The following TRPM3 variants were observed in gnomAD, a reference collection of about 807,000 sequenced individuals.
TRPM3 encodes long transient receptor potential channel 3.
A neutral mutation model predicts 181.2 loss-of-function variants in TRPM3; 77 were observed. The observed-to-expected ratio is 0.42, with a 90% CI of 0.35 to 0.51. TRPM3 has a LOEUF of 0.51. Ranked by LOEUF, TRPM3 falls within the 20% of genes least tolerant of loss-of-function variation. TRPM3 has a pLI of 0.01. For synonymous variants in TRPM3, 745 were observed against 796.4 expected (o/e 0.94, Z 1.09); for missense variants, 1,759 against 2,196.7 (o/e 0.80, Z 3.98).
intron 1 of TRPM3, among the ~76,000 whole-genome samples, chr9:71,204,375 AAAC>A (rs2078995455): frequency 6.6e-6 from 1 of 152,310 alleles, no homozygotes; most frequent in Admixed American, 6.5e-5. Context: ...AGAAAAAAAC[AAAC>A]AACCCCATGA....
At chr9:71,095,337 C>T (rs1027695419) in intron 1 of TRPM3, among the ~76,000 whole-genome samples, 32 of 152,040 alleles carry the variant, frequency 2.1e-4, no homozygotes, top group Non-Finnish European at 4.6e-4. Flanking sequence ...TCTTTTTCTT[C>T]TCTCATGAAA....
chr9:71,173,185 T>C (rs1420349911), intron 1 of TRPM3, among the ~76,000 whole-genome samples: 1 of 152,140 alleles, frequency 6.6e-6, no homozygotes, highest in African/African-American at 2.4e-5. Context: ...GCCTTGACTA[T>C]CCCATGCCAT....
chr9:70,824,643 G>T (rs1053399456), intron 6 of TRPM3: 1 of 152,186 alleles, frequency 6.6e-6, no homozygotes, highest in Non-Finnish European at 1.5e-5. Flanking sequence ...GGCCAGGCTG[G>T]TCTCGAACTC....
At chr9:70,915,583 G>T (rs2096585993) in intron 1 of TRPM3, among the ~76,000 whole-genome samples, 1 of 151,820 alleles carries the variant, frequency 6.6e-6, no homozygotes, top group Non-Finnish European at 1.5e-5. Context: ...GGGATTACAG[G>T]CATGAGCCAC....
At chr9:71,257,663 T>C (rs1009053) in intron 1 of TRPM3, among the ~76,000 whole-genome samples, 34,612 of 152,124 alleles carry the variant, frequency 0.23, 4,430 homozygotes, top group African/African-American at 0.32. Flanking sequence ...AAATTGTGTA[T>C]GTATAGCCCT....
At chr9:71,367,203 G>T (rs7849369) in intron 1 of TRPM3, among the ~76,000 whole-genome samples, 71,646 of 151,968 alleles carry the variant, frequency 0.47, 17,062 homozygotes, top group African/African-American at 0.52. Flanking sequence ...ATTTTGAAAA[G>T]AATGTATATG....
chr9:71,302,098 T>C (rs935923228), intron 1 of TRPM3, among the ~76,000 whole-genome samples: 8 of 152,130 alleles, frequency 5.3e-5, no homozygotes, highest in African/African-American at 1.7e-4. Context: ...TCATGTATAA[T>C]TTAGTGTCGC....
At chr9:71,156,788 T>C (rs190611975) in intron 1 of TRPM3, among the ~76,000 whole-genome samples, 14,505 of 152,028 alleles carry the variant, frequency 0.095, 811 homozygotes, top group African/African-American at 0.15. Flanking sequence ...TCTTGAAAAT[T>C]TGCAAAGTCT....
intron 1 of TRPM3, among the ~76,000 whole-genome samples, chr9:71,127,893 A>G (rs1162622851): frequency 6.6e-6 from 1 of 152,218 alleles, no homozygotes; most frequent in Non-Finnish European, 1.5e-5. Flanking sequence ...ACCTTTGTCA[A>G]AGGGATAATG....
chr9:70,675,044 A>G (rs184692499), intron 9 of TRPM3, among the ~76,000 whole-genome samples: 214 of 152,166 alleles, frequency 1.4e-3, no homozygotes, highest in African/African-American at 5.0e-3. Flanking sequence ...AAGTCATATA[A>G]AACATACTGG....
At chr9:70,842,036 C>T (rs1171990749) in intron 5 of TRPM3, among the ~76,000 whole-genome samples, 2 of 151,988 alleles carry the variant, frequency 1.3e-5, no homozygotes, top group Admixed American at 6.6e-5. Flanking sequence ...AATATACATA[C>T]ATAAGACATC....
At position 71,167,242 on chromosome 9, in the gene TRPM3, T is replaced by A. The variant is rs1219822146; in HGVS notation, c.183+279411A>T. ...CATTCTGAAAAGCATGTATTCATTT[T>A]AGCCAGAACTACCTAGATGATTTCT... On this transcript the variant is annotated intron_variant, in intron 1 of 24. Transcript: ENST00000357533. Among the ~76,000 whole-genome samples, 5 of 152,352 alleles carry A rather than the reference T, an allele frequency of 3.3e-5. No individual in the cohort carries two copies. The East Asian group carries it at 9.6e-4, about 29-fold the overall frequency.
chr9:71,148,377 G>T (rs2075549510), intron 1 of TRPM3, among the ~76,000 whole-genome samples: 1 of 151,966 alleles, frequency 6.6e-6, no homozygotes, highest in Non-Finnish European at 1.5e-5. Context: ...TTAACACCCT[G>T]GGATCTATCA....
In TRPM3 at chr9:71,399,521, C is replaced by CTTTTTTT. The variant is rs1415739241; in HGVS notation, c.183+47131_183+47132insAAAAAAA. Among the ~76,000 whole-genome samples, 10 of 107,520 alleles carry CTTTTTTT rather than the reference C, an allele frequency of 9.3e-5. 1 individual carries two copies. Among genetic ancestry groups the CTTTTTTT allele is most frequent in the South Asian group, 6.2e-4 (2 of 3,216 alleles). The allele number at this position is 107,520 out of a possible 152,430, so 70.5% of individuals were successfully genotyped here. A position where few individuals can be genotyped will look rare whatever the true frequency, so the allele number is the denominator to read the frequency against. ...ATATTCATTTTACTCCTTATATTTT[C>CTTTTTTT]TTTTGTTTTTTTTTTTTTTTTTTTT... On this transcript the variant is annotated intron_variant, in intron 1 of 24. Coordinates refer to the TRPM3 transcript ENST00000357533.
chr9:71,269,955 C>T (rs1229116843), intron 1 of TRPM3, among the ~76,000 whole-genome samples: 2 of 152,088 alleles, frequency 1.3e-5, no homozygotes, highest in Non-Finnish European at 2.9e-5. Context: ...CATAATATGA[C>T]CATCAAGAGT....
chr9:71,423,435 G>A (rs1421789134), intron 1 of TRPM3, among the ~76,000 whole-genome samples: 1 of 152,024 alleles, frequency 6.6e-6, no homozygotes, highest in African/African-American at 2.4e-5. Context: ...AAGAAAGCTG[G>A]CATTTTCTGA....
intron 8 of TRPM3, among the ~76,000 whole-genome samples, chr9:70,681,985 C>T (rs1004361988): frequency 6.6e-6 from 1 of 152,136 alleles, no homozygotes; most frequent in African/African-American, 2.4e-5. Context: ...TTCCACCTCC[C>T]ACCACGTGAG....
chr9:71,235,475 T>C (rs2081305111), intron 1 of TRPM3, among the ~76,000 whole-genome samples: 1 of 152,216 alleles, frequency 6.6e-6, no homozygotes. Flanking sequence ...GGGTAATCAA[T>C]ATATTTATTT....
At chr9:71,422,579 T>C (rs2093796422) in intron 1 of TRPM3, among the ~76,000 whole-genome samples, 1 of 152,044 alleles carries the variant, frequency 6.6e-6, no homozygotes, top group Non-Finnish European at 1.5e-5. Context: ...ACTTTATACT[T>C]AATAAATGAT....
Sources: gnomAD v4.1 joint callset for allele counts (sites outside exome capture counted in the v4.1 genomes callset) on GRCh38, gnomAD v4.1.1 for gene constraint, MANE v1.5 for transcripts, NCBI Gene and HGNC (gene_info 2026-07-23, HGNC 2026-07-21) for gene names.